Variants in XRN2 observed in about 807,000 individuals in gnomAD.
XRN2 encodes the protein DHM1-like protein.
XRN2 carries 44 observed loss-of-function variants against 138.5 expected under a neutral mutation model. The observed-to-expected ratio is 0.32, with a 90% confidence interval of 0.25 to 0.41. The LOEUF is 0.41. Among genes scored for constraint, XRN2 ranks in the 10% least tolerant of loss-of-function variants. The pLI is 1.00. For synonymous variants in XRN2, 354 were observed against 369.4 expected (o/e 0.96, Z 0.48); for missense variants, 937 against 1,169.3 (o/e 0.80, Z 2.90).
chr20:21,357,633 A>G, intron 23 of XRN2, 103 bp from the exon 24 acceptor site: 1 of 910,268 alleles, frequency 1.1e-6, no homozygotes, highest in Non-Finnish European at 1.6e-6. Flanking sequence ...CATTCTAATG[A>G]TTTATCTTTT....
intron 24 of XRN2, among the ~76,000 whole-genome samples, chr20:21,360,627 A>G (rs1263130244): frequency 6.6e-6 from 1 of 152,166 alleles, no homozygotes; most frequent in Non-Finnish European, 1.5e-5. Context: ...GATGAATCAG[A>G]CAAGATATAG....
intron 8 of XRN2, 132 bp downstream of exon 8, chr20:21,331,950 G>T: frequency 4.1e-6 from 4 of 973,414 alleles, no homozygotes; most frequent in Non-Finnish European, 4.7e-6. Flanking sequence ...GTTCGACAGG[G>T]AACTAGTATT....
Position 21,330,539 on chromosome 20 carries a change from A to G in XRN2, c.486A>G (p.Pro162=), listed in dbSNP as rs202073791. The change falls in exon 5 of 30, where the codon CCA becomes CCG. Residue 162 remains proline, a splice_region_variant and synonymous_variant. Transcript: ENST00000377191. ...KERFDSNCIT[P]GTEFMDNLAK... ...GATTTGACAGCAACTGTATTACACC[A>G]GTAAGTAGTCTCATACTTTGCTAGC... The G allele has an allele frequency of 1.4e-5, 23 of 1,613,804 alleles. 1 individual carries two copies. The South Asian group carries it at 2.4e-4, about 17-fold the overall frequency.
rs2038965025 is a variant in XRN2, at chr20:21,389,264, T to C, written c.2788-9T>C. 6.2e-7 allele frequency: 1 copy of C among 1,611,292 alleles called. No homozygotes were observed. The highest frequency in any genetic ancestry group is 8.5e-7 in the Non-Finnish European group (1 of 1,178,806). ...CAGAAAATAAACTCTTTCTTTTGTT[T>C]ATTTTCAGGGATATCCCAGAGAAGG... On this transcript the variant is annotated splice_polypyrimidine_tract_variant and intron_variant, in intron 29 of 29. Coordinates refer to ENST00000377191, the MANE Select transcript of XRN2 (RefSeq NM_012255.5).
chr20:21,349,290 C>T (rs2038477290), intron 19 of XRN2, 99 bp from the exon 20 acceptor site: 1 of 825,952 alleles, frequency 1.2e-6, no homozygotes, highest in Non-Finnish European at 2.0e-6. Context: ...ACTTTATTTT[C>T]TCATCAGACC....
intron 27 of XRN2, among the ~76,000 whole-genome samples, chr20:21,374,569 G>GT (rs1315832763): frequency 6.6e-6 from 1 of 151,860 alleles, no homozygotes; most frequent in Non-Finnish European, 1.5e-5. Context: ...TTTGTTTGTT[G>GT]TTTTTTCTTT....
chr20:21,337,535 A>G (rs985369545), intron 13 of XRN2, among the ~76,000 whole-genome samples: 1 of 152,146 alleles, frequency 6.6e-6, no homozygotes, highest in African/African-American at 2.4e-5. Context: ...AGTCATCAGC[A>G]TGTAGATGGT....
chr20:21,387,031 A>C (rs768415349), intron 29 of XRN2, 25 bp downstream of exon 29: 1 of 1,589,194 alleles, frequency 6.3e-7, no homozygotes, highest in Non-Finnish European at 8.6e-7. Flanking sequence ...GATGAAAAGT[A>C]TACTGCTCAC....
chr20:21,345,717 T>C (rs981180171), intron 16 of XRN2, among the ~76,000 whole-genome samples: 15 of 152,350 alleles, frequency 9.8e-5, no homozygotes, highest in African/African-American at 3.4e-4. Context: ...TTCATTGACC[T>C]GCTTCTAGAT....
intron 15 of XRN2, among the ~76,000 whole-genome samples, chr20:21,343,142 T>A (rs1245868908): frequency 6.6e-6 from 1 of 152,152 alleles, no homozygotes; most frequent in Non-Finnish European, 1.5e-5. Flanking sequence ...TAAAAAAAAT[T>A]CAGTTTACTT....
chr20:21,374,646 G>A (rs933252316), intron 27 of XRN2, among the ~76,000 whole-genome samples: 122 of 152,164 alleles, frequency 8.0e-4, no homozygotes, highest in African/African-American at 2.7e-3. Context: ...CATTTCTGGA[G>A]TAAACCTAAT....
chr20:21,332,415 G>T lies in XRN2; in HGVS notation c.833G>T (p.Gly278Val). 6.2e-7 allele frequency: 1 copy of T among 1,610,340 alleles called. No individual in the cohort carries two copies. Among genetic ancestry groups the T allele is most frequent in the Non-Finnish European group, 8.5e-7 (1 of 1,178,200 alleles). Residue 278 changes from glycine to valine, a missense_variant, in exon 9 of 30, where the codon GGT becomes GTT. By Grantham distance (109) the Gly-to-Val change is moderately radical. Coordinates refer to ENST00000377191, the MANE Select transcript of XRN2 (RefSeq NM_012255.5). The part of the protein sequence containing the change: ...QFGHEVKDCE[G>V]LPREKKGKHD... ...GGACATGAGGTCAAAGATTGTGAAG[G>T]TTTGCCAAGAGAAAAGAAGGGAAAG...
In XRN2 at chr20:21,389,628, AAC is replaced by A. The variant is rs1247742472; in HGVS notation, c.*294_*295del. 7 of 262,824 alleles carry A rather than the reference AAC, an allele frequency of 2.7e-5. No individual in the cohort carries two copies. The highest frequency in any genetic ancestry group is 4.3e-5 in the Non-Finnish European group (6 of 137,994). 16.3% of individuals were successfully genotyped at this position (262,824 alleles called of 1,614,324 possible). On this transcript the variant is annotated 3_prime_UTR_variant, in exon 30 of 30. Coordinates refer to ENST00000377191, the MANE Select transcript of XRN2 (RefSeq NM_012255.5). ...AAATGAAACCAGCTGTGGATTTCAA[AAC>A]ACAGTGTATTCTAGATCATCTAAGA...
chr20:21,304,687 C>T (rs553461715), intron 1 of XRN2, among the ~76,000 whole-genome samples: 37 of 152,330 alleles, frequency 2.4e-4, no homozygotes, highest in African/African-American at 8.7e-4. Context: ...AGCCCTCCCT[C>T]TATACTCTTA....
chr20:21,326,453 CATT>C (rs1317062021), intron 2 of XRN2, 34 bp from the exon 3 acceptor site: 10 of 1,613,582 alleles, frequency 6.2e-6, no homozygotes, highest in Admixed American at 5.0e-5. Flanking sequence ...ACAGAGGAAA[CATT>C]ATATTATATT....
At chr20:21,327,934 A>C (rs555362398) in intron 3 of XRN2, among the ~76,000 whole-genome samples, 89 of 152,322 alleles carry the variant, frequency 5.8e-4, no homozygotes, top group African/African-American at 2.1e-3. Context: ...TTTTCCACTG[A>C]AATTGCATTT....
At position 21,331,625 on chromosome 20, in the gene XRN2, G is replaced by C. The variant is rs547161061; in HGVS notation, c.641G>C (p.Arg214Thr). The change falls in exon 7 of 30, where the codon AGG becomes ACG. Residue 214 changes from arginine to threonine, a missense_variant. By Grantham distance (71) the Arg-to-Thr change is moderately conservative. Coordinates refer to ENST00000377191, the MANE Select transcript of XRN2 (RefSeq NM_012255.5). Reference sequence around the variant, plus strand: ...CATAAAATCATGGATTACATTAGAAGGCAAAGAGGTAAAGCTTACTTACCA... The same window carrying C: ...CATAAAATCATGGATTACATTAGAACGCAAAGAGGTAAAGCTTACTTACCA... ...GEHKIMDYIR[R>T]QRAQPNHDPN... 2 of 1,612,394 alleles carry C rather than the reference G, an allele frequency of 1.2e-6. No homozygotes were observed. Among genetic ancestry groups the C allele is most frequent in the East Asian group, 4.5e-5 (2 of 44,798 alleles).
Position 21,366,469 on chromosome 20 carries a change from A to G in XRN2, c.2456+765A>G, listed in dbSNP as rs148875909. Among the ~76,000 whole-genome samples, 1,500 of 151,196 alleles carry G rather than the reference A, an allele frequency of 9.9e-3. 6 individuals carry two copies. The highest frequency in any genetic ancestry group is 0.016 in the Non-Finnish European group (1,055 of 67,786). On this transcript the variant is annotated intron_variant, in intron 26 of 29. Coordinates refer to ENST00000377191, the MANE Select transcript of XRN2 (RefSeq NM_012255.5). ...CTAGTTGGCAGGCTGAGGCAGGGGA[A>G]TGGCATGAACCTGGGAGGCGGAGCT...
rs2038890318 is a variant in XRN2 at position 21,381,985 on chromosome 20, C to G, written c.2585-9C>G. The G allele has an allele frequency of 1.2e-6, 2 of 1,601,362 alleles. No individual in the cohort carries two copies. The highest frequency in any genetic ancestry group is 8.5e-7 in the Non-Finnish European group (1 of 1,174,036). On this transcript the variant is annotated splice_polypyrimidine_tract_variant and intron_variant, in intron 27 of 29. Transcript: ENST00000377191. The stretch of plus-strand genomic sequence containing the variant: ...AAATCTTCTTAACCCTTTCCTGTTT[C>G]TTTTTCAGATATGAGGCCCCAGGAT...
Sources: allele counts gnomAD v4.1 joint callset (sites outside exome capture counted in the v4.1 genomes callset), GRCh38; gene constraint gnomAD v4.1.1; transcripts MANE v1.5; gene names NCBI Gene and HGNC (gene_info 2026-07-23, HGNC 2026-07-21).